Variants in ANO3 observed in about 807,000 individuals in gnomAD.
The protein encoded by ANO3 is anoctamin-3.
ANO3 carries 99 observed loss-of-function variants against 144.8 expected under a neutral mutation model. The observed-to-expected ratio is 0.68, with a 90% confidence interval of 0.58 to 0.81. The LOEUF (loss-of-function observed/expected upper bound fraction) is 0.81, where lower values mean the gene tolerates loss of function less well. Among genes scored for constraint, ANO3 ranks in the 30% least tolerant of loss-of-function variants. The pLI is 0.00. For synonymous variants in ANO3, 414 were observed against 392.6 expected, an observed-to-expected ratio of 1.05 and a Z score of -0.64; for missense variants, 905 against 1,202.2, an observed-to-expected ratio of 0.75 and a Z score of 3.66.
chr11:26,197,968 T>C (rs1321967929), intron 1 of ANO3, among the ~76,000 whole-genome samples: 1 of 152,184 alleles, frequency 6.6e-6, no homozygotes, highest in East Asian at 1.9e-4. Flanking sequence ...CCCTGTGCCT[T>C]CTCTGTGACT....
At chr11:26,647,017 A>G (rs1853365346) in intron 23 of ANO3, among the ~76,000 whole-genome samples, 1 of 152,168 alleles carries the variant, frequency 6.6e-6, no homozygotes, top group African/African-American at 2.4e-5. Flanking sequence ...CATGCTACAT[A>G]ATCACCTTTA....
At chr11:26,558,589 T>C (rs1221123427) in intron 13 of ANO3, among the ~76,000 whole-genome samples, 2 of 152,144 alleles carry the variant, frequency 1.3e-5, no homozygotes, top group Non-Finnish European at 2.9e-5. Context: ...TAACCAACAA[T>C]GAATTTTAGA....
At chr11:26,323,006 T>C (rs1010445809) in intron 1 of ANO3, among the ~76,000 whole-genome samples, 2 of 152,166 alleles carry the variant, frequency 1.3e-5, no homozygotes, top group Non-Finnish European at 2.9e-5. Flanking sequence ...TATTACTTCA[T>C]TTATTTTGGT....
chr11:26,370,005 G>A lies in ANO3; in HGVS notation c.46+37684G>A, dbSNP rs139270275. On this transcript the variant is annotated intron_variant, in intron 1 of 26. Coordinates refer to ENST00000256737, the MANE Select transcript of ANO3 (RefSeq NM_031418.4). ...GATGTGAGGATTAAACCTTGTTCTTGGATGTTAATTAAATTACCCTATTTA... is the reference window on the plus strand; with the variant it reads ...GATGTGAGGATTAAACCTTGTTCTTAGATGTTAATTAAATTACCCTATTTA... Among the ~76,000 whole-genome samples, 453 of 152,252 alleles carry A rather than the reference G, an allele frequency of 3.0e-3. 2 individuals are homozygous for A. Among genetic ancestry groups the A allele is most frequent in the Non-Finnish European group, 4.3e-3 (290 of 68,028 alleles).
intron 1 of ANO3, among the ~76,000 whole-genome samples, chr11:26,379,070 G>A (rs1243834219): frequency 6.6e-6 from 1 of 150,996 alleles, no homozygotes; most frequent in Non-Finnish European, 1.5e-5. Context: ...TGTCCATACA[G>A]AAAGCATCCC....
chr11:26,639,252 T>G lies in ANO3; in HGVS notation c.2141+11T>G, dbSNP rs566539618. ...GGAACTAGGATACCCGTGAGCACAT[T>G]ATTTTCAAACTTGCCTTATGTCTAG... On this transcript the variant is annotated intron_variant, in intron 21 of 26. Coordinates refer to ENST00000256737, the MANE Select transcript of ANO3 (RefSeq NM_031418.4). 6.2e-7 allele frequency: 1 copy of G among 1,605,258 alleles called. No individual in the cohort carries two copies. The highest frequency in any genetic ancestry group is 2.2e-5 in the East Asian group (1 of 44,794).
At chr11:26,270,704 A>G (rs1853420040) in intron 1 of ANO3, among the ~76,000 whole-genome samples, 1 of 152,192 alleles carries the variant, frequency 6.6e-6, no homozygotes. Context: ...ATCTGAATAA[A>G]GGAAATGAGA....
chr11:26,383,342 C>T (rs935376430), intron 1 of ANO3, among the ~76,000 whole-genome samples: 1 of 151,990 alleles, frequency 6.6e-6, no homozygotes, highest in East Asian at 1.9e-4. Context: ...CCAAAGACCA[C>T]TCTGAGAAAT....
At chr11:26,656,538 A>C (rs950967992) in intron 26 of ANO3, 57 bp downstream of exon 26, 2 of 1,153,898 alleles carry the variant, frequency 1.7e-6, no homozygotes. Flanking sequence ...TAAATGATTT[A>C]TCAGTTGCCT....
intron 18 of ANO3, among the ~76,000 whole-genome samples, chr11:26,633,699 C>T (rs1852856679): frequency 6.6e-6 from 1 of 152,164 alleles, no homozygotes; most frequent in South Asian, 2.1e-4. Context: ...GAAGTCCTTT[C>T]ATCAAGTGTG....
chr11:26,373,436 G>GTT (rs1364573069), intron 1 of ANO3, among the ~76,000 whole-genome samples: 1 of 152,026 alleles, frequency 6.6e-6, no homozygotes, highest in East Asian at 1.9e-4. Flanking sequence ...TTTGCCTTCC[G>GTT]CCATGATTGT....
At chr11:26,326,218 A>T (rs1295700738) in intron 1 of ANO3, among the ~76,000 whole-genome samples, 44 of 152,186 alleles carry the variant, frequency 2.9e-4, no homozygotes, top group Non-Finnish European at 1.5e-5. Flanking sequence ...CACATAACTT[A>T]CTGTCCAAAC....
chr11:26,604,926 G>A (rs549528969), intron 17 of ANO3, among the ~76,000 whole-genome samples: 3 of 152,008 alleles, frequency 2.0e-5, no homozygotes, highest in Non-Finnish European at 4.4e-5. Flanking sequence ...TTGCCTGATC[G>A]CCCTGCCCAG....
chr11:26,504,937 T>G (rs1339451183), intron 4 of ANO3, among the ~76,000 whole-genome samples: 7 of 132,826 alleles, frequency 5.3e-5, no homozygotes, highest in Admixed American at 3.7e-4. Context: ...GCGTGAACCC[T>G]GGAGGCGGAG....
intron 1 of ANO3, among the ~76,000 whole-genome samples, chr11:26,216,181 A>G (rs188348553): frequency 4.7e-4 from 71 of 152,070 alleles, no homozygotes; most frequent in Non-Finnish European, 1.5e-5. Flanking sequence ...TAGAATTTGC[A>G]TATATTAGGG....
intron 1 of ANO3, among the ~76,000 whole-genome samples, chr11:26,441,284 A>G (rs1036575340): frequency 2.0e-5 from 3 of 150,070 alleles, no homozygotes; most frequent in African/African-American, 7.4e-5. Context: ...CGCCCGGCTA[A>G]TTTTTTGTAT....
chr11:26,589,413 CTTTTTTTT>C (rs11423756), intron 14 of ANO3, among the ~76,000 whole-genome samples: 4 of 137,610 alleles, frequency 2.9e-5, no homozygotes, highest in Admixed American at 1.5e-4. Context: ...CCCCAATTTT[CTTTTTTTT>C]TTTTTTTAGT....
chr11:26,604,079 T>A (rs959358619), intron 17 of ANO3, among the ~76,000 whole-genome samples: 4 of 152,126 alleles, frequency 2.6e-5, no homozygotes, highest in African/African-American at 9.7e-5. Flanking sequence ...TTTGTACCCA[T>A]TGATCAACCT....
chr11:26,228,891 T>C (rs546939140), intron 1 of ANO3, among the ~76,000 whole-genome samples: 23 of 152,300 alleles, frequency 1.5e-4, no homozygotes, highest in African/African-American at 5.3e-4. Flanking sequence ...AATAGATAAA[T>C]TGTCAAACTT....
Sources: gnomAD v4.1 joint callset for allele counts (sites outside exome capture counted in the v4.1 genomes callset) on GRCh38, gnomAD v4.1.1 for gene constraint, MANE v1.5 for transcripts, NCBI Gene and HGNC (gene_info 2026-07-23, HGNC 2026-07-21) for gene names.